Variants in ADGRL3 observed in about 807,000 individuals in gnomAD.
The protein encoded by ADGRL3 is calcium-independent alpha-latrotoxin receptor 3.
A neutral mutation model predicts 153.5 loss-of-function variants in ADGRL3; 62 were observed. The observed-to-expected ratio is 0.40, with a 90% CI of 0.33 to 0.50. ADGRL3 has a LOEUF of 0.50. ADGRL3 is among the 20% of genes least tolerant of loss of function. ADGRL3 has a pLI of 0.47. For synonymous variants in ADGRL3, 710 were observed against 672.5 expected (o/e 1.06, Z -0.86); for missense variants, 1,641 against 1,859.4 (o/e 0.88, Z 2.16).
intron 1 of ADGRL3, among the ~76,000 whole-genome samples, chr4:61,267,828 C>T (rs2092942441): frequency 5.9e-5 from 1 of 17,002 alleles, no homozygotes. Context: ...TTTTAGTTGA[C>T]TTCACTTTTT....
intron 9 of ADGRL3, among the ~76,000 whole-genome samples, chr4:61,874,141 G>C (rs1402153744): frequency 2.0e-5 from 3 of 152,128 alleles, no homozygotes; most frequent in Non-Finnish European, 2.9e-5. Context: ...CAGGAGACCA[G>C]GTACAGCACA....
chr4:61,456,844 A>G (rs1483647470), intron 2 of ADGRL3, among the ~76,000 whole-genome samples: 1 of 151,970 alleles, frequency 6.6e-6, no homozygotes, highest in Admixed American at 6.6e-5. Flanking sequence ...AGAATTGTAT[A>G]CATCAATTTT....
intron 9 of ADGRL3, among the ~76,000 whole-genome samples, chr4:61,832,812 CTTTTTTT>C (rs11340246): frequency 1.5e-5 from 2 of 137,042 alleles, no homozygotes; most frequent in Non-Finnish European, 1.6e-5. Context: ...TTTTCTTTTT[CTTTTTTT>C]TTTTTTTTTA....
intron 13 of ADGRL3, 65 bp from the exon 14 acceptor site, chr4:61,934,775 C>A (rs1581529792): frequency 3.1e-6 from 4 of 1,305,594 alleles, no homozygotes; most frequent in East Asian, 4.8e-5. Flanking sequence ...AACATGTACA[C>A]CTGGATTTCT....
chr4:61,749,784 C>T lies in ADGRL3; in HGVS notation c.1399+16230C>T, dbSNP rs183403441. On this transcript the variant is annotated intron_variant, in intron 8 of 26. Transcript: ENST00000683033. ...AAATGACGAGTTAATGGGTGCAGTACACCAGCATGGCACATGTATACATAT... is the reference window on the plus strand; with the variant it reads ...AAATGACGAGTTAATGGGTGCAGTATACCAGCATGGCACATGTATACATAT... 2.5e-3 allele frequency among the ~76,000 whole-genome samples: 381 copies of T among 152,086 alleles called. 2 individuals carry two copies. The highest frequency in any genetic ancestry group is 8.7e-3 in the African/African-American group (361 of 41,466).
At chr4:61,446,838 T>C (rs1362701939) in intron 2 of ADGRL3, among the ~76,000 whole-genome samples, 3 of 152,198 alleles carry the variant, frequency 2.0e-5, no homozygotes, top group Non-Finnish European at 2.9e-5. Flanking sequence ...TTGTTTTCCC[T>C]ACTTGCTATA....
At chr4:61,963,129 A>ATT (rs113915071) in intron 17 of ADGRL3, among the ~76,000 whole-genome samples, 10,848 of 149,090 alleles carry the variant, frequency 0.073, 459 homozygotes, top group South Asian at 0.17. Context: ...ATAAGGCTGT[A>ATT]TTTTTTTTTT....
At chr4:61,937,070 G>A (rs1481038005) in intron 15 of ADGRL3, among the ~76,000 whole-genome samples, 1 of 152,102 alleles carries the variant, frequency 6.6e-6, no homozygotes, top group African/African-American at 2.4e-5. Context: ...AAAATTTTGA[G>A]ACAGCAATAA....
intron 5 of ADGRL3, among the ~76,000 whole-genome samples, chr4:61,629,701 T>C (rs1560961925): frequency 1.9e-5 from 2 of 106,434 alleles, no homozygotes; most frequent in African/African-American, 7.6e-5. Context: ...TAGGCGACAA[T>C]GCAAGACTCC....
chr4:61,520,956 T>C (rs2098527479), intron 4 of ADGRL3, among the ~76,000 whole-genome samples: 1 of 152,130 alleles, frequency 6.6e-6, no homozygotes, highest in Non-Finnish European at 1.5e-5. Flanking sequence ...CAACTGGTAC[T>C]TGCCTTCTCG....
At chr4:61,783,528 T>C (rs2097240546) in intron 8 of ADGRL3, among the ~76,000 whole-genome samples, 1 of 152,066 alleles carries the variant, frequency 6.6e-6, no homozygotes, top group Admixed American at 6.6e-5. Context: ...ATAAAGCCTC[T>C]CAATGAAGGT....
At chr4:61,719,524 G>A (rs2096195050) in intron 6 of ADGRL3, among the ~76,000 whole-genome samples, 1 of 151,492 alleles carries the variant, frequency 6.6e-6, no homozygotes, top group South Asian at 2.1e-4. Flanking sequence ...ATAAACACTA[G>A]CAAACAGTTT....
intron 9 of ADGRL3, among the ~76,000 whole-genome samples, chr4:61,829,516 CTTTAGTTTCGTTTACCAATGAAT>C (rs1392590617): frequency 6.6e-6 from 1 of 152,064 alleles, no homozygotes; most frequent in Non-Finnish European, 1.5e-5. Flanking sequence ...AAGCACAATT[CTTTAGTTTCGTTTACCAATGAAT>C]TTCAGTTTGA....
At chr4:61,714,955 A>T (rs1029580436) in intron 6 of ADGRL3, among the ~76,000 whole-genome samples, 3 of 152,148 alleles carry the variant, frequency 2.0e-5, no homozygotes, top group Admixed American at 6.5e-5. Context: ...TTTATGTTTG[A>T]GTAACTCAAA....
chr4:61,859,487 TA>T (rs2098317167), intron 9 of ADGRL3, among the ~76,000 whole-genome samples: 1 of 152,176 alleles, frequency 6.6e-6, no homozygotes, highest in African/African-American at 2.4e-5. Context: ...AATGATTAGT[TA>T]AAAACACATT....
intron 1 of ADGRL3, among the ~76,000 whole-genome samples, chr4:61,316,587 T>C (rs1184020168): frequency 2.0e-5 from 3 of 152,170 alleles, no homozygotes; most frequent in Admixed American, 6.5e-5. Flanking sequence ...ATCTGGTTGC[T>C]GTATGCATGG....
intron 5 of ADGRL3, among the ~76,000 whole-genome samples, chr4:61,656,567 A>G (rs2150488788): frequency 6.6e-6 from 1 of 152,274 alleles, no homozygotes; most frequent in South Asian, 2.1e-4. Context: ...GAAAGTCAAG[A>G]AAAGATTTTT....
At chr4:61,359,887 A>T (rs17828324) in intron 1 of ADGRL3, among the ~76,000 whole-genome samples, 2 of 152,006 alleles carry the variant, frequency 1.3e-5, no homozygotes, top group Non-Finnish European at 2.9e-5. Context: ...TAAATCACAT[A>T]GTACATATTC....
intron 1 of ADGRL3, among the ~76,000 whole-genome samples, chr4:61,259,493 C>A (rs2092332960): frequency 6.6e-6 from 1 of 151,886 alleles, no homozygotes; most frequent in Admixed American, 6.6e-5. Context: ...AATAGAAGAT[C>A]ATTACTGCTC....
Sources: gnomAD v4.1 joint callset for allele counts (sites outside exome capture counted in the v4.1 genomes callset) on GRCh38, gnomAD v4.1.1 for gene constraint, MANE v1.5 for transcripts, NCBI Gene and HGNC (gene_info 2026-07-23, HGNC 2026-07-21) for gene names.